The following CSMD1 variants were observed in gnomAD, a reference collection of about 807,000 sequenced individuals.
The protein encoded by CSMD1 is CUB and Sushi multiple domains 1.
Under a neutral mutation model 417.5 loss-of-function variants are expected in CSMD1, and 213 were observed. The ratio of observed to expected loss-of-function variants is 0.51; its 90% confidence interval spans 0.46 to 0.57. The LOEUF (loss-of-function observed/expected upper bound fraction) is 0.57. CSMD1 is among the 20% of genes least tolerant of loss of function. The probability of loss-of-function intolerance (pLI) is 0.00; values close to 1 mark genes in which losing one functional copy is unlikely to be tolerated. For missense variants in CSMD1, 6,923 were observed against 4,529.7 expected (o/e 1.53, Z -15.17); for synonymous variants, 2,862 against 1,736.8 (o/e 1.65, Z -16.11).
At chr8:4,872,024 C>T (rs1241621362) in intron 1 of CSMD1, among the ~76,000 whole-genome samples, 2 of 152,092 alleles carry the variant, frequency 1.3e-5, no homozygotes, top group Non-Finnish European at 2.9e-5. Context: ...TTTGCAAAAT[C>T]CTCATGGCTC....
At chr8:3,993,301 G>T (rs530127107) in intron 5 of CSMD1, among the ~76,000 whole-genome samples, 1 of 152,280 alleles carries the variant, frequency 6.6e-6, no homozygotes, top group South Asian at 2.1e-4. Context: ...TTTGGGGCAC[G>T]TGAGAGAAGG....
chr8:4,143,861 A>C (rs1803948397), intron 3 of CSMD1, among the ~76,000 whole-genome samples: 1 of 151,114 alleles, frequency 6.6e-6, no homozygotes, highest in African/African-American at 2.5e-5. Context: ...GGTCCCTCTC[A>C]GTTACCCCTT....
At chr8:4,581,575 T>C (rs1477342171) in intron 2 of CSMD1, among the ~76,000 whole-genome samples, 2 of 152,236 alleles carry the variant, frequency 1.3e-5, no homozygotes, top group African/African-American at 4.8e-5. Flanking sequence ...ATACTCAATA[T>C]ATCATTAAGA....
chr8:2,944,499 G>A (rs1802087775), intron 68 of CSMD1, among the ~76,000 whole-genome samples: 1 of 152,134 alleles, frequency 6.6e-6, no homozygotes, highest in African/African-American at 2.4e-5. Context: ...TACATCTCAA[G>A]TGCTTACAAC....
At chr8:3,718,655 C>T (rs898542484) in intron 6 of CSMD1, among the ~76,000 whole-genome samples, 26 of 152,064 alleles carry the variant, frequency 1.7e-4, no homozygotes, top group East Asian at 1.9e-4. Context: ...GGAGGATTAG[C>T]GTGAGAATGT....
chr8:3,953,132 C>T (rs900290426), intron 5 of CSMD1, among the ~76,000 whole-genome samples: 1 of 151,094 alleles, frequency 6.6e-6, no homozygotes, highest in African/African-American at 2.4e-5. Context: ...GATCATAAAC[C>T]CTAAAAAATA....
At chr8:4,988,361 T>C (rs1479976150) in intron 1 of CSMD1, among the ~76,000 whole-genome samples, 2 of 152,246 alleles carry the variant, frequency 1.3e-5, no homozygotes, top group African/African-American at 4.8e-5. Context: ...TTATAACTTT[T>C]ACCAAGCTAA....
intron 12 of CSMD1, among the ~76,000 whole-genome samples, chr8:3,467,880 C>G (rs111769270): frequency 1.2e-4 from 18 of 152,296 alleles, no homozygotes; most frequent in African/African-American, 4.3e-4. Flanking sequence ...ATGGTATACA[C>G]TTGGGAAATA....
chr8:4,372,416 G>C (rs1035161862), intron 3 of CSMD1, among the ~76,000 whole-genome samples: 2 of 152,006 alleles, frequency 1.3e-5, no homozygotes, highest in South Asian at 2.1e-4. Flanking sequence ...ATCTGTATTT[G>C]ACATATATTT....
At chr8:4,550,565 A>AT (rs1023269667) in intron 2 of CSMD1, among the ~76,000 whole-genome samples, 19 of 152,186 alleles carry the variant, frequency 1.2e-4, no homozygotes, top group Non-Finnish European at 1.8e-4. Flanking sequence ...TTTTTGAAAC[A>AT]TTTTTTAAAA....
At chr8:4,599,082 G>C (rs1459356757) in intron 2 of CSMD1, among the ~76,000 whole-genome samples, 1 of 152,066 alleles carries the variant, frequency 6.6e-6, no homozygotes, top group Non-Finnish European at 1.5e-5. Context: ...TCTACACAAA[G>C]ACAATGTTAG....
rs1049791601 is a variant in CSMD1, at chr8:4,698,379, G to C, written c.86-60821C>G. Among the ~76,000 whole-genome samples the C allele has an allele frequency of 4.6e-5, 7 of 152,200 alleles. No homozygotes were observed. In the East Asian group the frequency reaches 5.8e-4, roughly 13 times the overall value. On this transcript the variant is annotated intron_variant, in intron 1 of 69. Coordinates refer to ENST00000635120, the MANE Select transcript of CSMD1 (RefSeq NM_033225.6). ...TAAACTGGTGAATGCATCAGAGAAA[G>C]AAGGCAAAGGTTTCTGAGGACCTCC...
chr8:3,883,592 GTGT>G (rs1352562965), intron 5 of CSMD1, among the ~76,000 whole-genome samples: 5 of 151,996 alleles, frequency 3.3e-5, no homozygotes, highest in African/African-American at 7.2e-5. Flanking sequence ...GCAAAAATTA[GTGT>G]TATTATTTAT....
intron 57 of CSMD1, among the ~76,000 whole-genome samples, chr8:2,969,165 C>T (rs760821762): frequency 3.3e-5 from 5 of 152,094 alleles, no homozygotes; most frequent in Non-Finnish European, 7.4e-5. Flanking sequence ...TACCAAATTA[C>T]CCACGCTATA....
intron 3 of CSMD1, among the ~76,000 whole-genome samples, chr8:4,359,395 A>T (rs1801621561): frequency 6.6e-6 from 1 of 152,214 alleles, no homozygotes; most frequent in Non-Finnish European, 1.5e-5. Flanking sequence ...AACTCACAAT[A>T]ACATATTAAC....
rs184852275 is a variant in CSMD1, at chr8:4,897,004, C to G, written c.85+97328G>C. On this transcript the variant is annotated intron_variant, in intron 1 of 69. Coordinates refer to ENST00000635120, the MANE Select transcript of CSMD1 (RefSeq NM_033225.6). The stretch of plus-strand genomic sequence containing the variant: ...TTTGTGATGTGTCTCGTTTTTTACA[C>G]TGACTTCTCTTTTCCCATGACAGTT... Among the ~76,000 whole-genome samples, 189 of 152,258 alleles carry G rather than the reference C, an allele frequency of 1.2e-3. 1 individual carries two copies. The highest frequency in any genetic ancestry group is 5.8e-3 in the Admixed American group (89 of 15,302).
intron 23 of CSMD1, among the ~76,000 whole-genome samples, chr8:3,329,588 C>A (rs34005579): frequency 0.049 from 7,423 of 152,266 alleles, 260 homozygotes; most frequent in East Asian, 0.15. Context: ...TTACCCTTCT[C>A]ATGTACCATG....
At chr8:4,674,537 C>A (rs941160370) in intron 1 of CSMD1, among the ~76,000 whole-genome samples, 1 of 152,116 alleles carries the variant, frequency 6.6e-6, no homozygotes, top group Admixed American at 6.6e-5. Flanking sequence ...AGAGGAGCAA[C>A]TTGACCATAA....
intron 46 of CSMD1, among the ~76,000 whole-genome samples, chr8:3,103,749 T>A (rs7830199): frequency 0.78 from 117,860 of 150,470 alleles, 46,417 homozygotes; most frequent in East Asian, 0.95. Flanking sequence ...CTTTTTTTTT[T>A]AAAAAAAAAA....
Sources: gnomAD v4.1 joint callset for allele counts (sites outside exome capture counted in the v4.1 genomes callset) on GRCh38, gnomAD v4.1.1 for gene constraint, MANE v1.5 for transcripts, NCBI Gene and HGNC (gene_info 2026-07-23, HGNC 2026-07-21) for gene names.